KAZN: variants seen among roughly 807,000 people sequenced by gnomAD.
KAZN encodes the protein kazrin, periplakin interacting protein, also known as kazrin.
A neutral mutation model predicts 87.4 loss-of-function variants in KAZN; 40 were observed. The ratio of observed to expected loss-of-function variants is 0.46; its 90% CI spans 0.36 to 0.60. The LOEUF is 0.60. KAZN is among the 20% of genes least tolerant of loss of function. The pLI, the probability that KAZN is intolerant of heterozygous loss-of-function variation, is 0.00. For synonymous variants in KAZN, 466 were observed against 458.3 expected (o/e 1.02, Z -0.22); for missense variants, 898 against 1,073.9 (o/e 0.84, Z 2.29).
intron 2 of KAZN, among the ~76,000 whole-genome samples, chr1:15,013,773 G>C (rs1040084402): frequency 1.3e-5 from 2 of 151,738 alleles, no homozygotes; most frequent in Admixed American, 6.6e-5. Context: ...AAAAGAGAGA[G>C]ATGGGAGAAC....
At chr1:14,149,572 G>A (rs760437664) in intron 1 of KAZN, among the ~76,000 whole-genome samples, 1 of 152,052 alleles carries the variant, frequency 6.6e-6, no homozygotes, top group Admixed American at 6.6e-5. Flanking sequence ...CCTCTTCCCT[G>A]CCACACTTCC....
intron 1 of KAZN, among the ~76,000 whole-genome samples, chr1:14,160,139 G>C (rs756345108): frequency 1.2e-4 from 19 of 152,184 alleles, no homozygotes; most frequent in Non-Finnish European, 2.8e-4. Flanking sequence ...CTAGGACTTG[G>C]CTAGGAGTTG....
intron 1 of KAZN, among the ~76,000 whole-genome samples, chr1:13,960,729 C>T (rs1451478623): frequency 6.6e-6 from 1 of 152,180 alleles, no homozygotes; most frequent in East Asian, 1.9e-4. Flanking sequence ...GATAAGTTTC[C>T]AAAGGCGGAC....
chr1:14,406,831 C>T (rs1415066849), intron 2 of KAZN, among the ~76,000 whole-genome samples: 2 of 152,150 alleles, frequency 1.3e-5, no homozygotes, highest in East Asian at 1.9e-4. Context: ...TTAACCAACA[C>T]ACTCACACTC....
intron 2 of KAZN, among the ~76,000 whole-genome samples, chr1:14,968,702 T>C (rs1237268599): frequency 6.6e-6 from 1 of 152,220 alleles, no homozygotes; most frequent in African/African-American, 2.4e-5. Flanking sequence ...TTCCTCTCCT[T>C]ACTGGAAGGA....
chr1:13,928,111 G>A (rs1640355479), intron 1 of KAZN, among the ~76,000 whole-genome samples: 1 of 152,252 alleles, frequency 6.6e-6, no homozygotes, highest in Admixed American at 6.5e-5. Context: ...TTTGTATGCA[G>A]TGGTCAGAAA....
At chr1:14,725,896 C>A (rs998131913) in intron 1 of KAZN, among the ~76,000 whole-genome samples, 1 of 152,198 alleles carries the variant, frequency 6.6e-6, no homozygotes, top group African/African-American at 2.4e-5. Context: ...CTTTGAGTAG[C>A]AGAAGGGAGG....
At chr1:14,682,051 A>G (rs1460147094) in intron 1 of KAZN, among the ~76,000 whole-genome samples, 1 of 151,966 alleles carries the variant, frequency 6.6e-6, no homozygotes, top group Non-Finnish European at 1.5e-5. Context: ...TTGCGCAACC[A>G]TCATCACTAT....
At chr1:14,493,365 A>C (rs1197023129) in intron 2 of KAZN, among the ~76,000 whole-genome samples, 1 of 152,210 alleles carries the variant, frequency 6.6e-6, no homozygotes, top group Non-Finnish European at 1.5e-5. Flanking sequence ...CTACAGAATG[A>C]CTTGGACAAG....
intron 2 of KAZN, among the ~76,000 whole-genome samples, chr1:14,456,870 A>G (rs558716096): frequency 9.8e-4 from 149 of 152,248 alleles, no homozygotes; most frequent in Middle Eastern, 6.8e-3. Context: ...ACTTGAGGTC[A>G]AGAGTTCGAG....
chr1:14,402,211 T>TA (rs1201793335), intron 2 of KAZN, among the ~76,000 whole-genome samples: 2 of 149,640 alleles, frequency 1.3e-5, no homozygotes, highest in Non-Finnish European at 3.0e-5. Flanking sequence ...ACCCACATTT[T>TA]AAAAAAATTT....
At chr1:14,207,869 T>A (rs1646776248) in intron 2 of KAZN, among the ~76,000 whole-genome samples, 1 of 152,216 alleles carries the variant, frequency 6.6e-6, no homozygotes, top group Non-Finnish European at 1.5e-5. Context: ...CACAAATGGC[T>A]GAAAATGGAC....
intron 1 of KAZN, among the ~76,000 whole-genome samples, chr1:14,630,943 T>C (rs1316683274): frequency 6.6e-6 from 1 of 152,168 alleles, no homozygotes; most frequent in Non-Finnish European, 1.5e-5. Context: ...AAAGTAAAAA[T>C]CAATATGTTT....
intron 1 of KAZN, among the ~76,000 whole-genome samples, chr1:14,643,450 C>G (rs1206702317): frequency 6.6e-6 from 1 of 152,184 alleles, no homozygotes; most frequent in African/African-American, 2.4e-5. Context: ...CATTAGTTTG[C>G]TAAGGATAAT....
intron 1 of KAZN, among the ~76,000 whole-genome samples, chr1:14,908,186 C>A (rs1248154984): frequency 2.0e-5 from 3 of 151,614 alleles, no homozygotes; most frequent in African/African-American, 7.3e-5. Flanking sequence ...TCGCTTGAGG[C>A]CAGGAGTTCA....
rs1395462200 is a variant in KAZN at position 14,856,925 on chromosome 1, GAAACT to G, written c.227-103757_227-103753del. 2.6e-5 allele frequency among the ~76,000 whole-genome samples: 4 copies of G among 152,168 alleles called. No homozygotes were observed. Among genetic ancestry groups the G allele is most frequent in the Non-Finnish European group, 5.9e-5 (4 of 68,032 alleles). ...GCAGAGGAAGCTAAAAGATGCTTTGGAAACTATCTTCATCCACACATAGGGGTTTC... is the reference window on the plus strand; with the variant it reads ...GCAGAGGAAGCTAAAAGATGCTTTGGATCTTCATCCACACATAGGGGTTTC... On this transcript the variant is annotated intron_variant, in intron 1 of 14. Transcript: ENST00000376030. This position sits in a 1 kb window ranked among gnomAD's most constrained non-coding sequence, Gnocchi z 5.2.
intron 1 of KAZN, among the ~76,000 whole-genome samples, chr1:14,858,577 G>T (rs931666791): frequency 6.6e-6 from 1 of 152,148 alleles, no homozygotes; most frequent in Non-Finnish European, 1.5e-5. Context: ...CCACCTTTTG[G>T]CTGTCGTGAA....
chr1:15,060,866 G>GC (rs1638733771), intron 6 of KAZN: 1 of 153,350 alleles, frequency 6.5e-6, no homozygotes, highest in Non-Finnish European at 1.5e-5. Flanking sequence ...GATGGGCTCT[G>GC]CAACAGTGTG....
In KAZN at chr1:14,138,750, G is replaced by A. The variant is rs78093029; in HGVS notation, c.92-41685G>A. Among the ~76,000 whole-genome samples, 605 of 152,292 alleles carry A rather than the reference G, an allele frequency of 4.0e-3. 2 individuals carry two copies. Among genetic ancestry groups the A allele is most frequent in the African/African-American group, 0.014 (564 of 41,564 alleles). On this transcript the variant is annotated intron_variant, in intron 1 of 16. Coordinates refer to the KAZN transcript ENST00000636203. ...GCCTCCCCTTTCCAATTTTGGAAGC[G>A]TGTGTTCATGCTTTCTTTTCCAGGC...
Sources: allele counts gnomAD v4.1 joint callset (sites outside exome capture counted in the v4.1 genomes callset), GRCh38; gene constraint gnomAD v4.1.1; non-coding constraint Gnocchi (gnomAD v3.1); transcripts MANE v1.5; gene names NCBI Gene and HGNC (gene_info 2026-07-23, HGNC 2026-07-21).